PRELID3B: variants seen among roughly 807,000 people sequenced by gnomAD.
PRELID3B encodes PRELI domain containing 3B.
Under a neutral mutation model 24.0 loss-of-function variants are expected in PRELID3B, and 15 were observed. The ratio of observed to expected loss-of-function variants is 0.63; its 90% confidence interval spans 0.42 to 0.96. The LOEUF (loss-of-function observed/expected upper bound fraction) is 0.96, where lower values mean the gene tolerates loss of function less well. Among genes scored for constraint, PRELID3B ranks in the 40% least tolerant of loss-of-function variants. The probability of loss-of-function intolerance (pLI) is 0.00; values close to 1 mark genes in which losing one functional copy is unlikely to be tolerated. For missense variants in PRELID3B, 189 were observed against 236.0 expected, an observed-to-expected ratio of 0.80 and a Z score of 1.30; for synonymous variants, 62 against 76.0, an observed-to-expected ratio of 0.82 and a Z score of 0.96.
chr20:59,042,559 C>T (rs2092118221), intron 1 of PRELID3B, 140 bp downstream of exon 1: 10 of 902,580 alleles, frequency 1.1e-5, no homozygotes, highest in Non-Finnish European at 1.5e-5. Flanking sequence ...CTCCGTGTCG[C>T]CGGGGCCCGC....
At chr20:59,038,748 G>T in intron 1 of PRELID3B, 114 bp from the exon 2 acceptor site, 1 of 1,330,766 alleles carries the variant, frequency 7.5e-7, no homozygotes, top group Non-Finnish European at 9.9e-7. Flanking sequence ...TAAGTTTAAT[G>T]AGTTTACCTA....
At chr20:59,038,120 T>G (rs1361009914) in intron 2 of PRELID3B, 1 of 192,420 alleles carries the variant, frequency 5.2e-6, no homozygotes, top group African/African-American at 2.3e-5. Context: ...AACCCACCAC[T>G]GACCACAGAA....
rs757738795 is a variant in PRELID3B at position 59,035,031 on chromosome 20, T to C, written c.561A>G (p.Ala187=). 19 of 1,613,808 alleles carry C rather than the reference T, an allele frequency of 1.2e-5. No homozygotes were observed. The highest frequency in any genetic ancestry group is 6.7e-5 in the East Asian group (3 of 44,890). The stretch of plus-strand genomic sequence containing the variant: ...ATCACTTCTCTGCAAACGCTGCTGC[T>C]GCCATTGGAGTCCTTATGGTTCCTC... ...SARGTIRTPM[A]AAAFAEK Residue 187 remains alanine (A), a synonymous_variant, in exon 6 of 6, where the codon GCA becomes GCG. Coordinates refer to ENST00000355937, the MANE Select transcript of PRELID3B (RefSeq NM_016045.3).
In PRELID3B at chr20:59,042,778, G is replaced by A; in HGVS notation, c.-48C>T. 1.3e-6 allele frequency: 2 copies of A among 1,576,762 alleles called. No individual in the cohort carries two copies. The highest frequency in any genetic ancestry group is 1.7e-6 in the Non-Finnish European group (2 of 1,161,580). Reference sequence around the variant, plus strand: ...TCCGGGTAGCGCCAGGGGACAACGAGGCACAGAGGCTACACCTGCCCCTGC... The same window carrying A: ...TCCGGGTAGCGCCAGGGGACAACGAAGCACAGAGGCTACACCTGCCCCTGC... On this transcript the variant is annotated 5_prime_UTR_variant, in exon 1 of 6. Transcript: ENST00000355937.
chr20:59,036,493 G>A lies in PRELID3B; in HGVS notation c.443C>T (p.Thr148Met), dbSNP rs776059070. ...SSYLEGLMAS[T>M]ISSNASKGRE... Reference sequence around the variant, plus strand: ...TACTTTACTAGCATTTGAGGATATCGTACTTGCCATCAGTCCTTCAAGGTA... The same window carrying A: ...TACTTTACTAGCATTTGAGGATATCATACTTGCCATCAGTCCTTCAAGGTA... The change falls in exon 5 of 6, where the codon ACG becomes ATG. Residue 148 changes from threonine (T) to methionine (M), a missense_variant. Thr to Met is a moderately conservative substitution (Grantham distance 81). Coordinates refer to ENST00000355937, the MANE Select transcript of PRELID3B (RefSeq NM_016045.3). 5.6e-6 allele frequency: 9 copies of A among 1,613,232 alleles called. No homozygotes were observed. The Middle Eastern group carries it at 5.0e-4, about 90-fold the overall frequency.
rs1339297538 is a variant in PRELID3B, at chr20:59,034,365, C to A, written c.*642G>T. 1 of 152,398 alleles carries A rather than the reference C, an allele frequency of 6.6e-6. No homozygotes were observed. The highest frequency in any genetic ancestry group is 1.5e-5 in the Non-Finnish European group (1 of 68,010). 9.4% of individuals were successfully genotyped at this position (152,398 alleles called of 1,614,324 possible). The stretch of plus-strand genomic sequence containing the variant: ...AGTACAAATCCAAGGAAGTTAATAC[C>A]TTTACTAAGTTACAAAACTTGGGCA... On this transcript the variant is annotated 3_prime_UTR_variant, in exon 6 of 6. Coordinates refer to ENST00000355937, the MANE Select transcript of PRELID3B (RefSeq NM_016045.3).
At position 59,036,491 on chromosome 20, in the gene PRELID3B, T is replaced by C; in HGVS notation, c.445A>G (p.Ile149Val). The C allele has an allele frequency of 6.2e-7, 1 of 1,613,400 alleles. No individual in the cohort carries two copies. The highest frequency in any genetic ancestry group is 8.5e-7 in the Non-Finnish European group (1 of 1,179,444). The change falls in exon 5 of 6, where the codon ATA becomes GTA. Residue 149 changes from isoleucine to valine, a missense_variant. Coordinates refer to ENST00000355937, the MANE Select transcript of PRELID3B (RefSeq NM_016045.3). ...CTTACTTTACTAGCATTTGAGGATA[T>C]CGTACTTGCCATCAGTCCTTCAAGG... ...SYLEGLMAST[I>V]SSNASKGREA...
intron 1 of PRELID3B, 152 bp downstream of exon 1, chr20:59,042,547 C>G: frequency 1.6e-6 from 1 of 620,124 alleles, no homozygotes. Flanking sequence ...CCTTGGTCTG[C>G]CCTCCGTGTC....
Position 59,040,010 on chromosome 20 carries a change from C to A in PRELID3B, c.33-1376G>T, listed in dbSNP as rs573429178. ...CAAGGCAACTCTCTAAAATGAAAAT[C>A]AGATGAACCCTCCCCAGGTCTCCAT... On this transcript the variant is annotated intron_variant, in intron 1 of 5. Transcript: ENST00000355937. This position sits in a 1 kb window ranked among gnomAD's most constrained non-coding sequence, Gnocchi z 4.1. 2.1e-4 allele frequency among the ~76,000 whole-genome samples: 32 copies of A among 152,304 alleles called. No individual in the cohort carries two copies. In the South Asian group the frequency reaches 6.2e-3, roughly 30 times the overall value.
chr20:59,042,292 C>A (rs1028535759), intron 1 of PRELID3B, among the ~76,000 whole-genome samples: 2 of 152,274 alleles, frequency 1.3e-5, no homozygotes, highest in Non-Finnish European at 2.9e-5. Context: ...AAAACCAACA[C>A]CTCCCTCTTG....
At chr20:59,041,487 C>T (rs969136621) in intron 1 of PRELID3B, among the ~76,000 whole-genome samples, 1 of 151,950 alleles carries the variant, frequency 6.6e-6, no homozygotes, top group Admixed American at 6.5e-5. Flanking sequence ...CCAAGGCGGG[C>T]GAATCACCTG....
chr20:59,036,398 C>T (rs575361690), intron 5 of PRELID3B, 73 bp downstream of exon 5: 1 of 1,142,114 alleles, frequency 8.8e-7, no homozygotes, highest in South Asian at 1.2e-5. Context: ...CAAGGACACA[C>T]ATGCAGTCAG....
At chr20:59,038,352 G>A (rs775157756) in intron 2 of PRELID3B, 114 bp downstream of exon 2, 6 of 808,124 alleles carry the variant, frequency 7.4e-6, no homozygotes, top group South Asian at 2.4e-5. Flanking sequence ...CAACTTGAAC[G>A]GATGCAAAAA....
Position 59,034,654 on chromosome 20 carries a change from C to A in PRELID3B, c.*353G>T, listed in dbSNP as rs1274679975. 1.1e-5 allele frequency: 2 copies of A among 186,376 alleles called. No homozygotes were observed. The highest frequency in any genetic ancestry group is 1.1e-5 in the Non-Finnish European group (1 of 88,900). The allele number at this position is 186,376 out of a possible 1,614,324, so 11.5% of individuals were successfully genotyped here. Reference sequence around the variant, plus strand: ...CTATAGGAGGTGGCTCTGCTCTGTTCTGGGGTTGGTCCAAAGTCAGGTGGA... The same window carrying A: ...CTATAGGAGGTGGCTCTGCTCTGTTATGGGGTTGGTCCAAAGTCAGGTGGA... On this transcript the variant is annotated 3_prime_UTR_variant, in exon 6 of 6. Coordinates refer to ENST00000355937, the MANE Select transcript of PRELID3B (RefSeq NM_016045.3).
chr20:59,042,776 G>T lies in PRELID3B; in HGVS notation c.-46C>A, dbSNP rs150770632. The T allele has an allele frequency of 1.3e-6, 2 of 1,576,332 alleles. No individual in the cohort carries two copies. The highest frequency in any genetic ancestry group is 1.7e-6 in the Non-Finnish European group (2 of 1,161,320). On this transcript the variant is annotated 5_prime_UTR_variant, in exon 1 of 6. Transcript: ENST00000355937. ...TGTCCGGGTAGCGCCAGGGGACAAC[G>T]AGGCACAGAGGCTACACCTGCCCCT...
chr20:59,036,388 C>T (rs1264827558), intron 5 of PRELID3B, 83 bp downstream of exon 5: 4 of 1,057,842 alleles, frequency 3.8e-6, no homozygotes, highest in South Asian at 1.3e-5. Flanking sequence ...GGTCAGCTTA[C>T]AAGGACACAC....
Position 59,042,716 on chromosome 20 carries a change from A to T in PRELID3B, c.15T>A (p.Thr5=), listed in dbSNP as rs1326740574. 6.2e-7 allele frequency: 1 copy of T among 1,601,698 alleles called. No individual in the cohort carries two copies. The highest frequency in any genetic ancestry group is 8.5e-7 in the Non-Finnish European group (1 of 1,174,900). Residue 5 remains threonine (T), a synonymous_variant, in exon 1 of 6, where the codon ACT becomes ACA. Coordinates refer to ENST00000355937, the MANE Select transcript of PRELID3B (RefSeq NM_016045.3). Reference sequence around the variant, plus strand: ...AAACTTACTCAAAGACGTGCTCCGAAGTCCAGATCTTCATGGTGCCGGCAC... The same window carrying T: ...AAACTTACTCAAAGACGTGCTCCGATGTCCAGATCTTCATGGTGCCGGCAC... MKIW[T]SEHVFDHPWE...
intron 2 of PRELID3B, 162 bp downstream of exon 2, chr20:59,038,304 A>T: frequency 1.8e-6 from 1 of 550,384 alleles, no homozygotes; most frequent in Non-Finnish European, 3.0e-6. Flanking sequence ...TAATATTTCC[A>T]ATTCATTATA....
At position 59,034,513 on chromosome 20, in the gene PRELID3B, TTATAGCATAGTAAGGTA is replaced by T. The variant is rs2092056027; in HGVS notation, c.*477_*493del. 1.3e-5 allele frequency: 2 copies of T among 152,708 alleles called. No homozygotes were observed. Among genetic ancestry groups the T allele is most frequent in the South Asian group, 4.1e-4 (2 of 4,838 alleles). 9.5% of individuals were successfully genotyped at this position (152,708 alleles called of 1,614,324 possible). A position where few individuals can be genotyped will look rare whatever the true frequency, so the allele number is the denominator to read the frequency against. Reference sequence around the variant, plus strand: ...CAAAACACTGGTTTTTAATGGTGGTTTATAGCATAGTAAGGTATTTTACACAAAATATATTTTAAAAC... The same window carrying T: ...CAAAACACTGGTTTTTAATGGTGGTTTTTTACACAAAATATATTTTAAAAC... On this transcript the variant is annotated 3_prime_UTR_variant, in exon 6 of 6. Transcript: ENST00000355937.
Sources: gnomAD v4.1 joint callset for allele counts (sites outside exome capture counted in the v4.1 genomes callset) on GRCh38, gnomAD v4.1.1 for gene constraint, Gnocchi (gnomAD v3.1) non-coding constraint, MANE v1.5 for transcripts, NCBI Gene and HGNC (gene_info 2026-07-23, HGNC 2026-07-21) for gene names.